FRMD4A: variants seen among roughly 807,000 people sequenced by gnomAD.
FRMD4A encodes the protein FERM domain containing 4A, also known as FERM domain-containing protein 4A.
Under a neutral mutation model 129.1 loss-of-function variants are expected in FRMD4A, and 29 were observed. The observed-to-expected ratio is 0.22, with a 90% CI of 0.17 to 0.31. The LOEUF (loss-of-function observed/expected upper bound fraction) is 0.31, where lower values mean the gene tolerates loss of function less well. Among genes scored for constraint, FRMD4A ranks in the 10% least tolerant of loss-of-function variants. The pLI is 1.00. For missense variants in FRMD4A, 1,272 were observed against 1,375.8 expected, an observed-to-expected ratio of 0.92 and a Z score of 1.19; for synonymous variants, 634 against 571.6, an observed-to-expected ratio of 1.11 and a Z score of -1.56.
Position 13,778,919 on chromosome 10 carries a change from T to C in FRMD4A, c.384+4003A>G, listed in dbSNP as rs183928560. 1.2e-3 allele frequency among the ~76,000 whole-genome samples: 188 copies of C among 152,290 alleles called. 2 individuals carry two copies. The highest frequency in any genetic ancestry group is 9.6e-3 in the Admixed American group (147 of 15,292). On this transcript the variant is annotated intron_variant, in intron 6 of 24. Transcript: ENST00000357447. ...CACATGTATACCTATGTAACAAACC[T>C]GCACATTCTGCATGTGTATCCCAGA...
At chr10:14,162,632 TTTTTTTTTG>T (rs1346952335) in intron 2 of FRMD4A, among the ~76,000 whole-genome samples, 9 of 135,474 alleles carry the variant, frequency 6.6e-5, no homozygotes, top group African/African-American at 2.9e-4. Context: ...GTTTCTCTGT[TTTTTTTTTG>T]TTTTTTTTTT....
intron 16 of FRMD4A, among the ~76,000 whole-genome samples, chr10:13,672,781 G>GA (rs892936987): frequency 2.0e-5 from 3 of 152,152 alleles, no homozygotes; most frequent in Admixed American, 6.5e-5. Flanking sequence ...GAGCTGAGGG[G>GA]AGAGATGCAG....
At chr10:14,151,596 A>G (rs1324228776) in intron 2 of FRMD4A, among the ~76,000 whole-genome samples, 2 of 152,166 alleles carry the variant, frequency 1.3e-5, no homozygotes, top group Non-Finnish European at 2.9e-5. Context: ...CCCCCTTTAC[A>G]CATGTAATAC....
chr10:13,854,709 G>A (rs1366874796), intron 3 of FRMD4A, among the ~76,000 whole-genome samples: 1 of 151,902 alleles, frequency 6.6e-6, no homozygotes, highest in South Asian at 2.1e-4. Flanking sequence ...TGGGATTACA[G>A]GTGTAAGCCA....
intron 2 of FRMD4A, among the ~76,000 whole-genome samples, chr10:14,186,437 T>C (rs180820165): frequency 2.6e-5 from 4 of 152,240 alleles, no homozygotes; most frequent in African/African-American, 9.6e-5. Context: ...CCCGTAAACC[T>C]CTTCTAATAA....
At chr10:14,097,944 A>G (rs572407368) in intron 2 of FRMD4A, among the ~76,000 whole-genome samples, 142 of 145,454 alleles carry the variant, frequency 9.8e-4, no homozygotes, top group African/African-American at 3.3e-3. Context: ...TATTACATAT[A>G]TTATATACAA....
At chr10:14,014,891 C>T (rs1396629357) in intron 2 of FRMD4A, among the ~76,000 whole-genome samples, 1 of 152,094 alleles carries the variant, frequency 6.6e-6, no homozygotes, top group South Asian at 2.1e-4. Context: ...TGGGCAGATA[C>T]ATTTTTCCCT....
At chr10:14,189,752 A>G (rs1036684356) in intron 2 of FRMD4A, among the ~76,000 whole-genome samples, 2 of 152,234 alleles carry the variant, frequency 1.3e-5, no homozygotes, top group African/African-American at 4.8e-5. Context: ...ACTAGAGCCC[A>G]TAAACTTCTG....
At chr10:14,329,966 TCTGCAGCCACTGCAG>T in intron 2 of FRMD4A, 77 bp downstream of exon 2, 1 of 1,177,152 alleles carries the variant, frequency 8.5e-7, no homozygotes, top group South Asian at 1.3e-5. Flanking sequence ...GTTGAACATG[TCTGCAGCCACTGCAG>T]CGGCAGCAGC....
chr10:13,943,111 A>G (rs911817247), intron 2 of FRMD4A, among the ~76,000 whole-genome samples: 2 of 152,162 alleles, frequency 1.3e-5, no homozygotes, highest in African/African-American at 4.8e-5. Flanking sequence ...ACACATTACA[A>G]TTACATTTGG....
chr10:13,790,797 T>C (rs935722672), intron 5 of FRMD4A, among the ~76,000 whole-genome samples: 35 of 151,846 alleles, frequency 2.3e-4, no homozygotes, highest in African/African-American at 6.5e-4. Flanking sequence ...CTCTCGGCGG[T>C]TGCTGTGAGC....
At chr10:13,836,069 C>G (rs971426783) in intron 3 of FRMD4A, among the ~76,000 whole-genome samples, 3 of 152,210 alleles carry the variant, frequency 2.0e-5, no homozygotes, top group African/African-American at 4.8e-5. Context: ...ACGATCTCAG[C>G]TCACTGCAGC....
intron 2 of FRMD4A, among the ~76,000 whole-genome samples, chr10:14,303,905 G>C (rs751414461): frequency 2.6e-5 from 4 of 151,954 alleles, no homozygotes; most frequent in Non-Finnish European, 5.9e-5. Context: ...TTTGTGTCTG[G>C]CTTATTTCCC....
intron 16 of FRMD4A, among the ~76,000 whole-genome samples, chr10:13,673,495 AGGTTAGGT>A (rs1455323928): frequency 2.0e-5 from 3 of 152,064 alleles, no homozygotes; most frequent in African/African-American, 7.2e-5. Context: ...GCTCTTTCTA[AGGTTAGGT>A]GGTGCACAGT....
intron 2 of FRMD4A, among the ~76,000 whole-genome samples, chr10:14,077,162 G>C (rs1410664256): frequency 6.6e-6 from 1 of 152,206 alleles, no homozygotes; most frequent in Non-Finnish European, 1.5e-5. Context: ...CAGCACCTGG[G>C]TAGGCACTGC....
chr10:14,141,651 C>T (rs1012374589), intron 2 of FRMD4A, among the ~76,000 whole-genome samples: 2 of 152,124 alleles, frequency 1.3e-5, no homozygotes, highest in African/African-American at 4.8e-5. Context: ...AGGCCTTTTC[C>T]CCTGTCCTTC....
intron 5 of FRMD4A, among the ~76,000 whole-genome samples, chr10:13,786,332 T>C (rs1166013361): frequency 2.6e-5 from 4 of 152,342 alleles, no homozygotes; most frequent in East Asian, 1.9e-4. Flanking sequence ...TAAATCTATA[T>C]CGTAGCTCAT....
intron 2 of FRMD4A, among the ~76,000 whole-genome samples, chr10:14,195,325 T>C (rs371182700): frequency 6.6e-6 from 1 of 151,900 alleles, no homozygotes; most frequent in African/African-American, 2.4e-5. Flanking sequence ...AGGAATTCGG[T>C]GGAATTTAAA....
intron 15 of FRMD4A, chr10:13,692,815 G>T (rs951356308): frequency 1.3e-5 from 2 of 152,148 alleles, no homozygotes; most frequent in African/African-American, 4.8e-5. Flanking sequence ...GCGTGGCTCA[G>T]AGACAGCTGC....
Sources: allele counts gnomAD v4.1 joint callset (sites outside exome capture counted in the v4.1 genomes callset), GRCh38; gene constraint gnomAD v4.1.1; transcripts MANE v1.5; gene names NCBI Gene and HGNC (gene_info 2026-07-23, HGNC 2026-07-21).